The following NUP160 variants were observed in gnomAD, a reference collection of about 807,000 sequenced individuals.
NUP160 encodes nuclear pore complex protein Nup160.
In NUP160, 94 loss-of-function variants were observed where a neutral mutation model predicts 196.9. The ratio of observed to expected loss-of-function variants is 0.48; its 90% CI spans 0.40 to 0.57. The LOEUF is 0.57. NUP160 is among the 20% of genes least tolerant of loss of function. NUP160 has a pLI of 0.00. For synonymous variants in NUP160, 605 were observed against 619.7 expected (o/e 0.98, Z 0.35); for missense variants, 1,638 against 1,748.3 (o/e 0.94, Z 1.13).
At chr11:47,816,556 T>C (rs925400281) in intron 11 of NUP160, among the ~76,000 whole-genome samples, 5 of 152,020 alleles carry the variant, frequency 3.3e-5, no homozygotes, top group African/African-American at 1.2e-4. Context: ...GGGTGGATCA[T>C]TTGAGGCCAG....
exon 2 of NUP160, chr11:47,847,851 T>C (rs775486344): frequency 7.5e-6 from 12 of 1,609,642 alleles, no homozygotes; most frequent in South Asian, 1.1e-5. Context: ...CACTTACCAA[T>C]GAATGAACCT....
chr11:47,822,233 A>T (rs1258539731), intron 7 of NUP160, 69 bp from the exon 8 acceptor site: 9 of 1,086,526 alleles, frequency 8.3e-6, no homozygotes, highest in South Asian at 1.4e-5. Flanking sequence ...AGCAAGGGCT[A>T]TTACCATTCA....
chr11:47,818,243 G>A, intron 10 of NUP160, 119 bp from the exon 11 acceptor site: 1 of 660,196 alleles, frequency 1.5e-6, no homozygotes, highest in East Asian at 2.6e-5. Flanking sequence ...TTCTATATGT[G>A]GGCAATAACA....
At chr11:47,808,365 C>A in intron 18 of NUP160, 31 bp downstream of exon 18, 2 of 1,580,654 alleles carry the variant, frequency 1.3e-6, no homozygotes, top group Non-Finnish European at 1.7e-6. Context: ...TCACAATTTA[C>A]ATTTTAAATA....
At chr11:47,831,068 C>T (rs1466954808) in intron 7 of NUP160, among the ~76,000 whole-genome samples, 2 of 152,028 alleles carry the variant, frequency 1.3e-5, no homozygotes, top group Non-Finnish European at 2.9e-5. Context: ...GGGACTGAGG[C>T]GGGAGAATCG....
exon 4 of NUP160, chr11:47,839,936 C>A (rs140049552): frequency 6.2e-5 from 100 of 1,614,032 alleles, no homozygotes; most frequent in Non-Finnish European, 8.3e-5. Context: ...CTGAGCCAGG[C>A]TGTAGAGGCG....
rs114310898 is a variant in NUP160, at chr11:47,781,834, G to C, written c.4116+1239C>G. ...TAACTAATGCCATATTATTTTGATA[G>C]AGAAAGATGAAATTCCTATTTTATA... On this transcript the variant is annotated intron_variant, in intron 34 of 35. Transcript: ENST00000378460. Among the ~76,000 whole-genome samples the C allele has an allele frequency of 5.3e-3, 800 of 152,256 alleles. 9 individuals carry two copies. Among genetic ancestry groups the C allele is most frequent in the African/African-American group, 0.017 (717 of 41,550 alleles).
At chr11:47,819,393 C>G in exon 10 of NUP160, 1 of 1,611,752 alleles carries the variant, frequency 6.2e-7, no homozygotes, top group Non-Finnish European at 8.5e-7. Context: ...TTGATCATCT[C>G]TGATGACAAT....
At chr11:47,796,483 G>C (rs1211888970) in intron 27 of NUP160, 1 of 274,498 alleles carries the variant, frequency 3.6e-6, no homozygotes, top group Admixed American at 5.2e-5. Context: ...AAACAAGTAA[G>C]TAAATAAATA....
At chr11:47,779,868 C>T (rs1167763786) in intron 35 of NUP160, among the ~76,000 whole-genome samples, 11 of 152,076 alleles carry the variant, frequency 7.2e-5, no homozygotes, top group Non-Finnish European at 1.5e-4. Context: ...GCTGGGATTA[C>T]AGGTGCCCGC....
chr11:47,796,152 TAAAAAAAA>T (rs35398008), intron 27 of NUP160: 4 of 118,712 alleles, frequency 3.4e-5, no homozygotes, highest in Non-Finnish European at 4.5e-5. Context: ...AGACTTCATC[TAAAAAAAA>T]AAAAAAAAAA....
Position 47,837,628 on chromosome 11 carries a change from A to G in NUP160, c.749-5T>C. The G allele has an allele frequency of 8.7e-6, 14 of 1,612,230 alleles. No individual in the cohort carries two copies. Among genetic ancestry groups the G allele is most frequent in the Non-Finnish European group, 1.2e-5 (14 of 1,178,254 alleles). On this transcript the variant is annotated splice_polypyrimidine_tract_variant and splice_region_variant and intron_variant, in intron 4 of 35. Transcript: ENST00000378460. ...GTTCCACGACTGACACCATACCTGC[A>G]ATGATATCCAAGGCACCTCTTGAAC...
At chr11:47,822,094 G>C (rs1223677806) in exon 8 of NUP160, 1 of 1,602,858 alleles carries the variant, frequency 6.2e-7, no homozygotes, top group Admixed American at 1.7e-5. Flanking sequence ...TACCTGAGAA[G>C]TGAACAGTGA....
chr11:47,781,575 G>C (rs1003191499), intron 34 of NUP160, among the ~76,000 whole-genome samples: 1 of 152,090 alleles, frequency 6.6e-6, no homozygotes, highest in African/African-American at 2.4e-5. Flanking sequence ...ATTTCATGAG[G>C]GTTGAAGCTG....
rs1225264187 is a variant in NUP160, at chr11:47,797,929, T to C, written c.3184-45A>G. On this transcript the variant is annotated intron_variant, in intron 26 of 35. Coordinates refer to ENST00000378460, the Ensembl canonical transcript of NUP160. ...CAGATAACTAAGTCAGTAGCAATCA[T>C]GGCAACCACCATACTTGTTGAAAGC... 2.6e-6 allele frequency: 4 copies of C among 1,558,812 alleles called. No homozygotes were observed. The East Asian group carries it at 6.7e-5, about 26-fold the overall frequency.
In NUP160 at chr11:47,809,215, C is replaced by T. The variant is rs185291837; in HGVS notation, c.2242-686G>A. Among the ~76,000 whole-genome samples the T allele has an allele frequency of 2.2e-5, 3 of 137,472 alleles. No homozygotes were observed. The East Asian group carries it at 6.6e-4, about 30-fold the overall frequency. The allele number at this position is 137,472 out of a possible 152,430, so 90.2% of individuals were successfully genotyped here. On this transcript the variant is annotated intron_variant, in intron 17 of 35. Transcript: ENST00000378460. ...GCTGCAGTGGGCCGAGATTGAGCCA[C>T]TGCACTTCAGCCTGGGCACAACAGA...
Position 47,806,148 on chromosome 11 carries a change from G to C in NUP160, c.2606+5C>G. ...CTTTTCACTGGCTTCTAAATAAAAG[G>C]ATACAAAAGCTGCAATAAATAACTG... On this transcript the variant is annotated splice_donor_5th_base_variant and intron_variant, in intron 20 of 35. Transcript: ENST00000378460. The C allele has an allele frequency of 6.2e-7, 1 of 1,613,588 alleles. No individual in the cohort carries two copies.
chr11:47,779,813 C>T (rs1291890112), intron 35 of NUP160, among the ~76,000 whole-genome samples: 1 of 152,062 alleles, frequency 6.6e-6, no homozygotes, highest in Non-Finnish European at 1.5e-5. Flanking sequence ...CTGGAACCTC[C>T]GCCTCCTGGG....
At chr11:47,797,181 G>T (rs377602329) in intron 27 of NUP160, among the ~76,000 whole-genome samples, 1 of 143,160 alleles carries the variant, frequency 7.0e-6, no homozygotes, top group East Asian at 2.1e-4. Flanking sequence ...AATAGCACAG[G>T]AACTCAAACC....
Sources: gnomAD v4.1 joint callset for allele counts (sites outside exome capture counted in the v4.1 genomes callset) on GRCh38, gnomAD v4.1.1 for gene constraint, MANE v1.5 for transcripts, NCBI Gene and HGNC (gene_info 2026-07-23, HGNC 2026-07-21) for gene names.